TGM5: variants seen among roughly 807,000 people sequenced by gnomAD.
TGM5 encodes transglutaminase 5, also known as protein-glutamine gamma-glutamyltransferase 5.
In TGM5, 69 loss-of-function variants were observed where a neutral mutation model predicts 77.2. The observed-to-expected ratio is 0.89, with a 90% CI of 0.74 to 1.09. The LOEUF (loss-of-function observed/expected upper bound fraction) is 1.09, where lower values mean the gene tolerates loss of function less well. TGM5 is among the 50% of genes least tolerant of loss of function. The pLI is 0.00. For synonymous variants in TGM5, 346 were observed against 351.8 expected, an observed-to-expected ratio of 0.98 and a Z score of 0.18; for missense variants, 842 against 896.5, an observed-to-expected ratio of 0.94 and a Z score of 0.78.
Position 43,252,770 on chromosome 15 carries a change from A to G in TGM5, c.851T>C (p.Val284Ala), listed in dbSNP as rs1422696682. The G allele has an allele frequency of 1.9e-6, 3 of 1,613,834 alleles. No individual in the cohort carries two copies. In the South Asian group the frequency reaches 3.3e-5, roughly 18 times the overall value. The change falls in exon 6 of 13, where the codon GTC becomes GCC. Residue 284 changes from valine to alanine, a missense_variant. Coordinates refer to ENST00000220420, the MANE Select transcript of TGM5 (RefSeq NM_201631.4). ...RYGQCWVFAA[V>A]MCTVMRCLGI... ...TTTCTACCTCCTACCTGTGCACATG[A>G]CGGCAGCAAAGACCCAGCATTGCCC...
intron 6 of TGM5, among the ~76,000 whole-genome samples, chr15:43,243,064 A>G (rs2042648370): frequency 6.6e-6 from 1 of 152,190 alleles, no homozygotes; most frequent in Non-Finnish European, 1.5e-5. Context: ...ACTCCTGCTA[A>G]ACATGACTCG....
rs1285643931 is a variant in TGM5 at position 43,252,740 on chromosome 15, G to C, written c.862+19C>G. On this transcript the variant is annotated intron_variant, in intron 6 of 12. Coordinates refer to ENST00000220420, the MANE Select transcript of TGM5 (RefSeq NM_201631.4). Reference sequence around the variant, plus strand: ...GGCTATACTTCTGACCTTTTTGTGGGGTCCTTTCTACCTCCTACCTGTGCA... The same window carrying C: ...GGCTATACTTCTGACCTTTTTGTGGCGTCCTTTCTACCTCCTACCTGTGCA... The C allele has an allele frequency of 6.2e-7, 1 of 1,612,798 alleles. No individual in the cohort carries two copies. Among genetic ancestry groups the C allele is most frequent in the Non-Finnish European group, 8.5e-7 (1 of 1,179,966 alleles).
chr15:43,253,012 A>C, intron 5 of TGM5, 76 bp from the exon 6 acceptor site: 1 of 1,502,620 alleles, frequency 6.7e-7, no homozygotes, highest in Non-Finnish European at 9.2e-7. Context: ...GCCTTGGAAG[A>C]CCCATGGGCC....
chr15:43,257,033 G>T (rs927809478), intron 3 of TGM5, among the ~76,000 whole-genome samples: 5 of 152,182 alleles, frequency 3.3e-5, no homozygotes, highest in African/African-American at 1.2e-4. Flanking sequence ...GAACACAGCC[G>T]ATTGATTCCA....
At chr15:43,266,788 C>G in intron 1 of TGM5, 52 bp downstream of exon 1, 1 of 1,612,442 alleles carries the variant, frequency 6.2e-7, no homozygotes, top group South Asian at 1.1e-5. Flanking sequence ...CCTACAGTCT[C>G]TCTCTGTCCT....
At chr15:43,261,238 C>T (rs1320706299) in intron 1 of TGM5, among the ~76,000 whole-genome samples, 7 of 151,732 alleles carry the variant, frequency 4.6e-5, no homozygotes, top group Non-Finnish European at 8.8e-5. Context: ...TACAGGCGCC[C>T]GCCACCATGC....
chr15:43,259,020 C>T (rs2042765076), intron 3 of TGM5, among the ~76,000 whole-genome samples: 1 of 152,132 alleles, frequency 6.6e-6, no homozygotes, highest in Non-Finnish European at 1.5e-5. Flanking sequence ...CCATCCAGGG[C>T]TCTGGGTCCT....
At chr15:43,254,723 C>G (rs1324064445) in intron 4 of TGM5, among the ~76,000 whole-genome samples, 1 of 152,154 alleles carries the variant, frequency 6.6e-6, no homozygotes, top group Non-Finnish European at 1.5e-5. Context: ...ACCCTCGTGT[C>G]TTTGCTCACA....
In TGM5 at chr15:43,260,265, C is replaced by A. The variant is rs759299555; in HGVS notation, c.223G>T (p.Ala75Ser). 1 of 1,613,956 alleles carries A rather than the reference C, an allele frequency of 6.2e-7. No individual in the cohort carries two copies. Among genetic ancestry groups the A allele is most frequent in the South Asian group, 1.1e-5 (1 of 91,070 alleles). ...PLPDLALGTR[A>S]VFSLARHHSP... ...TGATGGCGTGCCAGGCTGAACACAG[C>A]CCGAGTCCCCAAGGCCAGGTCTGGC... The change falls in exon 3 of 13, where the codon GCT becomes TCT. Residue 75 changes from alanine (A) to serine (S), a missense_variant. Physicochemically the swap from Ala to Ser is moderately conservative, Grantham distance 99 (BLOSUM62 1). This residue lies in a region of TGM5 where 815 missense variants were observed against 844.6 expected (regional missense o/e 0.96). Transcript: ENST00000220420.
intron 6 of TGM5, among the ~76,000 whole-genome samples, chr15:43,247,355 T>C (rs2042675839): frequency 6.6e-6 from 1 of 151,852 alleles, no homozygotes; most frequent in African/African-American, 2.4e-5. Flanking sequence ...AATTAATCAA[T>C]AGAACCAGAT....
At chr15:43,259,305 A>G (rs1048803026) in intron 3 of TGM5, among the ~76,000 whole-genome samples, 2 of 152,074 alleles carry the variant, frequency 1.3e-5, no homozygotes, top group Admixed American at 6.5e-5. Flanking sequence ...TGTCTATAGA[A>G]GAAGAAGAAA....
At chr15:43,261,235 G>A (rs2042788812) in intron 1 of TGM5, among the ~76,000 whole-genome samples, 1 of 151,758 alleles carries the variant, frequency 6.6e-6, no homozygotes, top group Non-Finnish European at 1.5e-5. Flanking sequence ...GGCTACAGGC[G>A]CCCGCCACCA....
chr15:43,236,413 G>C (rs1304755183), intron 9 of TGM5, among the ~76,000 whole-genome samples: 2 of 152,322 alleles, frequency 1.3e-5, no homozygotes, highest in South Asian at 4.1e-4. Context: ...TAGGCGTGCA[G>C]AGTTCCCAGG....
intron 1 of TGM5, among the ~76,000 whole-genome samples, chr15:43,261,096 T>TTG (rs2042787219): frequency 1.5e-5 from 2 of 131,340 alleles, no homozygotes; most frequent in South Asian, 2.6e-4. Context: ...TTTTTTTTTT[T>TTG]TTTTTTTTTT....
At chr15:43,238,273 T>G (rs1309239441) in intron 9 of TGM5, among the ~76,000 whole-genome samples, 1 of 152,148 alleles carries the variant, frequency 6.6e-6, no homozygotes, top group Non-Finnish European at 1.5e-5. Context: ...TTGAACCTAG[T>G]GGCTGGCGCT....
In TGM5 at chr15:43,255,873, G is replaced by A. The variant is rs138334187; in HGVS notation, c.555+695C>T. On this transcript the variant is annotated intron_variant, in intron 4 of 12. Coordinates refer to ENST00000220420, the MANE Select transcript of TGM5 (RefSeq NM_201631.4). Reference sequence around the variant, plus strand: ...GCAATTAATATGACGTTATTTTTACGTATAAAGTAGCGTTTTAGAATGCGT... The same window carrying A: ...GCAATTAATATGACGTTATTTTTACATATAAAGTAGCGTTTTAGAATGCGT... Among the ~76,000 whole-genome samples, 386 of 152,302 alleles carry A rather than the reference G, an allele frequency of 2.5e-3. 1 individual carries two copies. Among genetic ancestry groups the A allele is most frequent in the Middle Eastern group, 6.8e-3 (2 of 294 alleles).
chr15:43,261,076 G>GTTTTTTTTT (rs1555384178), intron 1 of TGM5, among the ~76,000 whole-genome samples: 2 of 56,888 alleles, frequency 3.5e-5, no homozygotes, highest in African/African-American at 1.3e-4. Flanking sequence ...TTGTGTGTGT[G>GTTTTTTTTT]TTTTTTTTTT....
At chr15:43,234,996 G>C (rs1211787098) in intron 10 of TGM5, 67 bp from the exon 11 acceptor site, 1 of 1,572,704 alleles carries the variant, frequency 6.4e-7, no homozygotes, top group Non-Finnish European at 8.7e-7. Context: ...GGTTGGACCT[G>C]GGTCTCTCTT....
At chr15:43,266,208 CA>C (rs1192972169) in intron 1 of TGM5, among the ~76,000 whole-genome samples, 2 of 152,076 alleles carry the variant, frequency 1.3e-5, no homozygotes, top group Admixed American at 6.6e-5. Context: ...AATTTAAACA[CA>C]AAAAGTAATA....
Sources: allele counts gnomAD v4.1 joint callset (sites outside exome capture counted in the v4.1 genomes callset), GRCh38; gene constraint gnomAD v4.1.1; regional missense constraint gnomAD v4.1.1; transcripts MANE v1.5; gene names NCBI Gene and HGNC (gene_info 2026-07-23, HGNC 2026-07-21).